UBAP1: variants seen among roughly 807,000 people sequenced by gnomAD.
UBAP1 encodes the protein ubiquitin-associated protein 1.
In UBAP1, 5 loss-of-function variants were observed where a neutral mutation model predicts 39.0. That is an observed-to-expected ratio of 0.13 (90% CI 0.07 to 0.27). UBAP1 has a LOEUF of 0.27. Among genes scored for constraint, UBAP1 ranks in the 10% least tolerant of loss-of-function variants. The pLI, the probability that UBAP1 is intolerant of heterozygous loss-of-function variation, is 1.00. For synonymous variants in UBAP1, 211 were observed against 225.1 expected (o/e 0.94, Z 0.56); for missense variants, 490 against 608.1 (o/e 0.81, Z 2.04).
At chr9:34,228,156 C>T (rs1833199400) in intron 2 of UBAP1, among the ~76,000 whole-genome samples, 1 of 151,020 alleles carries the variant, frequency 6.6e-6, no homozygotes, top group Non-Finnish European at 1.5e-5. Flanking sequence ...CGATGGCTCA[C>T]GCCTTTAATC....
chr9:34,180,576 A>G (rs1432416474), intron 1 of UBAP1, among the ~76,000 whole-genome samples: 2 of 152,068 alleles, frequency 1.3e-5, no homozygotes, highest in African/African-American at 2.4e-5. Flanking sequence ...AAAGAATTAC[A>G]TTGTCCGCAT....
At chr9:34,193,373 C>G (rs1172803295) in intron 1 of UBAP1, among the ~76,000 whole-genome samples, 3 of 151,908 alleles carry the variant, frequency 2.0e-5, no homozygotes, top group Non-Finnish European at 4.4e-5. Context: ...TCTTCCTCTA[C>G]TCTCACACCA....
At chr9:34,182,681 T>TTCTCTCTCTCTCTCTCTCTC (rs1437312393) in intron 1 of UBAP1, among the ~76,000 whole-genome samples, 3 of 115,496 alleles carry the variant, frequency 2.6e-5, no homozygotes, top group African/African-American at 6.8e-5. Context: ...CTTTCTTTCT[T>TTCTCTCTCTCTCTCTCTCTC]TCTCTCTCTC....
At chr9:34,208,254 T>C (rs972901384) in intron 1 of UBAP1, among the ~76,000 whole-genome samples, 2 of 152,220 alleles carry the variant, frequency 1.3e-5, no homozygotes, top group Non-Finnish European at 2.9e-5. Flanking sequence ...ATATCTGTAT[T>C]TATATATTCA....
chr9:34,179,057 C>T lies in UBAP1; in HGVS notation c.-191C>T. The T allele has an allele frequency of 1.6e-6, 2 of 1,279,336 alleles. No individual in the cohort carries two copies. The highest frequency in any genetic ancestry group is 2.0e-6 in the Non-Finnish European group (2 of 1,011,778). 79.2% of individuals were successfully genotyped at this position (1,279,336 alleles called of 1,614,324 possible). A position where few individuals can be genotyped will look rare whatever the true frequency, so the allele number is the denominator to read the frequency against. On this transcript the variant is annotated 5_prime_UTR_variant, in exon 1 of 7. Coordinates refer to ENST00000297661, the MANE Select transcript of UBAP1 (RefSeq NM_016525.5). ...GGGAAGGAGGAGGGAAGTAGGACTT[C>T]AACATGGCGGCTGCGGCACTGGCGG...
chr9:34,204,417 GT>G, intron 1 of UBAP1, among the ~76,000 whole-genome samples: 1 of 152,102 alleles, frequency 6.6e-6, no homozygotes, highest in East Asian at 1.9e-4. Context: ...TACTTGCTGA[GT>G]CAAGTATACT....
At chr9:34,251,303 C>G (rs1834512379) in intron 6 of UBAP1, 89 bp from the exon 7 acceptor site, 1 of 1,403,734 alleles carries the variant, frequency 7.1e-7, no homozygotes, top group African/African-American at 1.4e-5. Context: ...CTGCTCTCCC[C>G]CAGTCCCCGT....
intron 2 of UBAP1, 110 bp downstream of exon 2, chr9:34,221,058 AGCTTG>A: frequency 1.1e-6 from 1 of 919,678 alleles, no homozygotes; most frequent in Non-Finnish European, 1.7e-6. Flanking sequence ...TTTAATGAAC[AGCTTG>A]ACAAAAATAA....
Position 34,241,883 on chromosome 9 carries a change from T to C in UBAP1, c.858T>C (p.Thr286=), listed in dbSNP as rs1471962349. Residue 286 remains threonine (T), a synonymous_variant, in exon 4 of 7, where the codon ACT becomes ACC. Transcript: ENST00000297661. ...AGAAGACAGCCAAGCTGGCGAGCACTTTCCATAGCACATCCTGCCTCCGCA... is the reference window on the plus strand; with the variant it reads ...AGAAGACAGCCAAGCTGGCGAGCACCTTCCATAGCACATCCTGCCTCCGCA... ...SNQKTAKLAS[T]FHSTSCLRNG... The C allele has an allele frequency of 6.2e-7, 1 of 1,614,072 alleles. No individual in the cohort carries two copies. The highest frequency in any genetic ancestry group is 1.7e-5 in the Admixed American group (1 of 60,000).
intron 2 of UBAP1, 25 bp from the exon 3 acceptor site, chr9:34,234,191 T>G: frequency 6.3e-7 from 1 of 1,582,126 alleles, no homozygotes; most frequent in Non-Finnish European, 8.6e-7. Context: ...TTTGCTGATA[T>G]TTTCTACTTT....
intron 3 of UBAP1, among the ~76,000 whole-genome samples, chr9:34,238,880 C>T (rs1833828044): frequency 6.6e-6 from 1 of 152,132 alleles, no homozygotes; most frequent in Admixed American, 6.6e-5. Context: ...CCCAAATTGT[C>T]GATTTAGGCT....
rs1211564187 is a variant in UBAP1 at position 34,250,726 on chromosome 9, G to A, written c.1335G>A (p.Glu445=). 6.2e-7 allele frequency: 1 copy of A among 1,613,708 alleles called. No individual in the cohort carries two copies. Among genetic ancestry groups the A allele is most frequent in the South Asian group, 1.1e-5 (1 of 91,064 alleles). ...EKGFDPLLVE[E]ALEMHQCSEE... is the part of the protein sequence containing the mutation. The stretch of plus-strand genomic sequence containing the variant: ...GCTTCGACCCTCTTTTAGTGGAAGA[G>A]GCTCTGGAAATGCACCAGTGTTCAG... The change falls in exon 6 of 7, where the codon GAG becomes GAA. Residue 445 remains glutamate, a synonymous_variant. Coordinates refer to ENST00000297661, the MANE Select transcript of UBAP1 (RefSeq NM_016525.5).
intron 2 of UBAP1, among the ~76,000 whole-genome samples, chr9:34,226,137 G>GTGTGTT (rs1833080597): frequency 6.8e-6 from 1 of 146,038 alleles, no homozygotes; most frequent in Non-Finnish European, 1.5e-5. Context: ...GTGTGTGTGT[G>GTGTGTT]TGTGTGTGTG....
intron 1 of UBAP1, among the ~76,000 whole-genome samples, chr9:34,210,174 G>A (rs1831937164): frequency 6.6e-6 from 1 of 152,064 alleles, no homozygotes; most frequent in African/African-American, 2.4e-5. Flanking sequence ...TATGAATCAG[G>A]GTACTGTGAC....
chr9:34,240,789 G>A (rs895741607), intron 3 of UBAP1, among the ~76,000 whole-genome samples: 1 of 152,158 alleles, frequency 6.6e-6, no homozygotes, highest in Admixed American at 6.6e-5. Flanking sequence ...AGGAATAATA[G>A]TAGTTACTTT....
chr9:34,250,867 T>A, intron 6 of UBAP1, 108 bp downstream of exon 6: 3 of 885,990 alleles, frequency 3.4e-6, no homozygotes, highest in Non-Finnish European at 5.6e-6. Context: ...TGCCAGTGAC[T>A]ACAGGTACAA....
At chr9:34,249,673 TG>T in intron 4 of UBAP1, 105 bp from the exon 5 acceptor site, 1 of 1,093,248 alleles carries the variant, frequency 9.1e-7, no homozygotes, top group Non-Finnish European at 1.3e-6. Flanking sequence ...CCGCTTTTCT[TG>T]GGGCTTGAAT....
intron 1 of UBAP1, among the ~76,000 whole-genome samples, chr9:34,204,553 T>C (rs1831581456): frequency 1.3e-5 from 2 of 152,140 alleles, no homozygotes; most frequent in Admixed American, 1.3e-4. Context: ...TTAATATGTA[T>C]AAGACTAGAA....
intron 1 of UBAP1, among the ~76,000 whole-genome samples, chr9:34,188,328 G>A (rs371995388): frequency 4.0e-5 from 6 of 150,338 alleles, no homozygotes; most frequent in Admixed American, 1.3e-4. Context: ...ATACAGAAAA[G>A]TGTAACAGGA....
Sources: allele counts gnomAD v4.1 joint callset (sites outside exome capture counted in the v4.1 genomes callset), GRCh38; gene constraint gnomAD v4.1.1; transcripts MANE v1.5; gene names NCBI Gene and HGNC (gene_info 2026-07-23, HGNC 2026-07-21).